MTMR8: variants seen among roughly 807,000 people sequenced by gnomAD.
The protein encoded by MTMR8 is phosphatidylinositol-3,5-bisphosphate 3-phosphatase MTMR8.
MTMR8 carries 65 observed loss-of-function variants against 39.3 expected under a neutral mutation model. The ratio of observed to expected loss-of-function variants is 1.65; its 90% confidence interval spans 1.35 to 2.03. The LOEUF is 2.03. Ranked by LOEUF, MTMR8 falls within the 30% of genes most tolerant of loss-of-function variation. The pLI, the probability that MTMR8 is intolerant of heterozygous loss-of-function variation, is 0.00. For synonymous variants in MTMR8, 245 were observed against 185.2 expected (o/e 1.32, Z -2.62); for missense variants, 777 against 538.9 (o/e 1.44, Z -4.37).
At chrX:64,367,212 C>A (rs1242752775) in intron 1 of MTMR8, among the ~76,000 whole-genome samples, 2 of 112,051 alleles carry the variant, frequency 1.8e-5, no homozygotes, top group Middle Eastern at 4.6e-3. Flanking sequence ...CTTTCTGAAA[C>A]TATTCAAATC....
At chrX:64,361,347 G>A (rs1407384792) in intron 1 of MTMR8, among the ~76,000 whole-genome samples, 1 of 111,150 alleles carries the variant, frequency 9.0e-6, no homozygotes, top group Non-Finnish European at 1.9e-5. Flanking sequence ...TTTTATGAGG[G>A]CAATTTAATC....
intron 1 of MTMR8, among the ~76,000 whole-genome samples, chrX:64,387,135 A>G (rs1476576530): frequency 9.0e-6 from 1 of 111,667 alleles, no homozygotes; most frequent in Non-Finnish European, 1.9e-5. Flanking sequence ...CATCAGTGTC[A>G]ATTGCACAGG....
At chrX:64,320,393 G>C (rs1055147788) in intron 12 of MTMR8, among the ~76,000 whole-genome samples, 9 of 110,506 alleles carry the variant, frequency 8.1e-5, no homozygotes, top group African/African-American at 3.0e-4. Flanking sequence ...GTGGCTCGCT[G>C]CTGCAAGGGA....
In MTMR8 at chrX:64,369,575, G is replaced by A. The variant is rs186768897; in HGVS notation, c.25-10048C>T. 2.0e-4 allele frequency among the ~76,000 whole-genome samples: 22 copies of A among 110,430 alleles called. No homozygotes were observed. In the East Asian group the frequency reaches 6.3e-3, roughly 32 times the overall value. On this transcript the variant is annotated intron_variant, in intron 1 of 13. Transcript: ENST00000374852. ...TGGGAATTGAACAATGAGAACACTTGGACACAGTGCAGTGAGCATCACACA... is the reference window on the plus strand; with the variant it reads ...TGGGAATTGAACAATGAGAACACTTAGACACAGTGCAGTGAGCATCACACA...
intron 7 of MTMR8, among the ~76,000 whole-genome samples, chrX:64,343,988 A>G (rs1375331076): frequency 9.0e-6 from 1 of 110,798 alleles, no homozygotes; most frequent in Non-Finnish European, 1.9e-5. Context: ...CTGAATTAGC[A>G]TCTACAGGAA....
At chrX:64,315,318 C>T (rs1028905725) in intron 12 of MTMR8, among the ~76,000 whole-genome samples, 1 of 111,628 alleles carries the variant, frequency 9.0e-6, no homozygotes, top group African/African-American at 3.3e-5. Flanking sequence ...GGCATGGTGG[C>T]CCCGTGCAGG....
intron 4 of MTMR8, among the ~76,000 whole-genome samples, chrX:64,352,999 T>A (rs765241434): frequency 8.9e-5 from 10 of 111,834 alleles, no homozygotes; most frequent in Non-Finnish European, 1.7e-4. Context: ...ATGGCTTCAC[T>A]TCCTGACCTC....
rs751643065 is a variant in MTMR8, at chrX:64,271,646, C to A, written c.1482-573G>T. On this transcript the variant is annotated intron_variant, in intron 12 of 13. Transcript: ENST00000374852. ...ATCAGGAGGAAACCCCCATTCCCAG[C>A]TTCTATCTCAGAATGGAAGAAGTTG... Among the ~76,000 whole-genome samples, 164 of 112,700 alleles carry A rather than the reference C, an allele frequency of 1.5e-3. 1 individual carries two copies. The highest frequency in any genetic ancestry group is 5.1e-3 in the African/African-American group (159 of 31,085).
chrX:64,318,702 TTTTTTG>T, intron 12 of MTMR8, among the ~76,000 whole-genome samples: 1 of 93,051 alleles, frequency 1.1e-5, no homozygotes, highest in Non-Finnish European at 2.0e-5. Context: ...TTTGGTTTGG[TTTTTTG>T]TTTTTTTTTT....
At chrX:64,277,926 C>A (rs1014039686) in intron 12 of MTMR8, among the ~76,000 whole-genome samples, 1 of 109,807 alleles carries the variant, frequency 9.1e-6, no homozygotes, top group Non-Finnish European at 1.9e-5. Flanking sequence ...TTGTTCATTT[C>A]TTTTCATTCT....
In MTMR8 at chrX:64,331,682, T is replaced by C. The variant is rs201365178; in HGVS notation, c.1227A>G (p.Leu409=). Reference sequence around the variant, plus strand: ...CAAAGGCACAGGGAAACTGTTCCATTAATTGCCAGATACAGTCTAGGAACT... The same window carrying C: ...CAAAGGCACAGGGAAACTGTTCCATCAATTGCCAGATACAGTCTAGGAACT... The part of the protein sequence containing the change: ...FTQFLDCIWQ[L]MEQFPCAFEF... Residue 409 remains leucine, a synonymous_variant, in exon 11 of 14, where the codon TTA becomes TTG. Transcript: ENST00000374852. The C allele has an allele frequency of 1.7e-6, 2 of 1,208,791 alleles. No homozygotes were observed. The highest frequency in any genetic ancestry group is 2.2e-5 in the Admixed American group (1 of 45,717).
intron 12 of MTMR8, among the ~76,000 whole-genome samples, chrX:64,273,299 GAGA>G (rs1040401811): frequency 9.1e-6 from 1 of 110,299 alleles, no homozygotes; most frequent in Non-Finnish European, 1.9e-5. Context: ...GAATAACATA[GAGA>G]AGAAGAAAAT....
intron 2 of MTMR8, among the ~76,000 whole-genome samples, chrX:64,356,713 C>T (rs1283074709): frequency 9.0e-6 from 1 of 110,727 alleles, no homozygotes; most frequent in Non-Finnish European, 1.9e-5. Flanking sequence ...TATCAAATTA[C>T]TAATTAAGAT....
chrX:64,283,451 C>T (rs1921036633), intron 12 of MTMR8, among the ~76,000 whole-genome samples: 1 of 112,148 alleles, frequency 8.9e-6, no homozygotes, highest in East Asian at 2.8e-4. Context: ...TTAAATGTCT[C>T]TGTCTGACAG....
intron 10 of MTMR8, among the ~76,000 whole-genome samples, chrX:64,333,359 A>G (rs1016982987): frequency 2.5e-4 from 28 of 111,583 alleles, no homozygotes; most frequent in Admixed American, 9.5e-5. Context: ...AAGGCCATTA[A>G]GTAGAAAAAA....
intron 6 of MTMR8, 84 bp from the exon 7 acceptor site, chrX:64,345,261 C>A (rs1248334759): frequency 2.0e-6 from 2 of 985,919 alleles, no homozygotes; most frequent in Non-Finnish European, 2.8e-6. Context: ...TCATTCTGAA[C>A]CGTTTAAAAT....
chrX:64,381,864 G>A lies in MTMR8; in HGVS notation c.24+13476C>T, dbSNP rs192312829. 1.7e-4 allele frequency among the ~76,000 whole-genome samples: 19 copies of A among 111,717 alleles called. No homozygotes were observed. In the East Asian group the frequency reaches 2.0e-3, roughly 12 times the overall value. On this transcript the variant is annotated intron_variant, in intron 1 of 13. Transcript: ENST00000374852. ...AGCACTATTTATTAAATAGGGAATT[G>A]TTTCCCCATTTCTTGTTTTTGTCAG...
At chrX:64,386,178 A>T (rs1032272061) in intron 1 of MTMR8, among the ~76,000 whole-genome samples, 2 of 111,930 alleles carry the variant, frequency 1.8e-5, no homozygotes, top group Non-Finnish European at 3.8e-5. Flanking sequence ...CACCTTACAA[A>T]ATACACTGTT....
chrX:64,311,721 A>C (rs1922306441), intron 12 of MTMR8, among the ~76,000 whole-genome samples: 1 of 107,940 alleles, frequency 9.3e-6, no homozygotes, highest in Non-Finnish European at 1.9e-5. Context: ...ATGGCTAGCC[A>C]GTTTTCCCAG....
Sources: gnomAD v4.1 joint callset for allele counts (sites outside exome capture counted in the v4.1 genomes callset) on GRCh38, gnomAD v4.1.1 for gene constraint, MANE v1.5 for transcripts, NCBI Gene and HGNC (gene_info 2026-07-23, HGNC 2026-07-21) for gene names.